Variants in PLCL1 observed in about 807,000 individuals in gnomAD.
The protein encoded by PLCL1 is phospholipase C like 1 (inactive), also known as inactive phospholipase C-like protein 1.
In PLCL1, 41 loss-of-function variants were observed where a neutral mutation model predicts 84.4. The observed-to-expected ratio is 0.49, with a 90% CI of 0.38 to 0.63. The LOEUF (loss-of-function observed/expected upper bound fraction) is 0.63, where lower values mean the gene tolerates loss of function less well. PLCL1 is among the 30% of genes least tolerant of loss of function. PLCL1 has a pLI of 0.00. For synonymous variants in PLCL1, 490 were observed against 488.3 expected (o/e 1.00, Z -0.05); for missense variants, 1,206 against 1,367.8 (o/e 0.88, Z 1.87).
At chr2:198,048,116 G>T (rs1574272741) in intron 1 of PLCL1, among the ~76,000 whole-genome samples, 1 of 152,354 alleles carries the variant, frequency 6.6e-6, no homozygotes, top group East Asian at 1.9e-4. Context: ...AGTAAAGTAT[G>T]AAGCTGCCTT....
intron 1 of PLCL1, among the ~76,000 whole-genome samples, chr2:197,865,805 G>A (rs1222721365): frequency 6.6e-6 from 1 of 151,164 alleles, no homozygotes; most frequent in African/African-American, 2.4e-5. Flanking sequence ...TTGAGCTCAG[G>A]AGTTCAAGAC....
At chr2:197,950,227 C>A (rs1301639175) in intron 1 of PLCL1, among the ~76,000 whole-genome samples, 1 of 152,170 alleles carries the variant, frequency 6.6e-6, no homozygotes, top group Non-Finnish European at 1.5e-5. Context: ...CTGCTTCCAA[C>A]TAGTAGAGTG....
intron 1 of PLCL1, among the ~76,000 whole-genome samples, chr2:197,982,215 GTA>G (rs150185032): frequency 1.3e-5 from 2 of 149,438 alleles, no homozygotes; most frequent in Non-Finnish European, 3.0e-5. Context: ...ATATATATAT[GTA>G]TATATATATA....
rs556879668 is a variant in PLCL1, at chr2:198,084,091, A to C, written c.574A>C (p.Ile192Leu). Residue 192 changes from isoleucine to leucine, a missense_variant, in exon 2 of 6, where the codon ATA becomes CTA. Ile to Leu is a conservative substitution (Grantham distance 5). Coordinates refer to ENST00000428675, the MANE Select transcript of PLCL1 (RefSeq NM_006226.4). ...GATCTGTGAGGACTGTGCCTTTTCCATACTCCACGGGGAAAACTATGAGTC... is the reference window on the plus strand; with the variant it reads ...GATCTGTGAGGACTGTGCCTTTTCCCTACTCCACGGGGAAAACTATGAGTC... ...DQICEDCAFSILHGENYESLD... is the reference protein window; with the variant it reads ...DQICEDCAFSLLHGENYESLD... The C allele has an allele frequency of 6.2e-7, 1 of 1,614,172 alleles. No homozygotes were observed. Among genetic ancestry groups the C allele is most frequent in the South Asian group, 1.1e-5 (1 of 91,090 alleles).
intron 1 of PLCL1, chr2:198,001,816 C>T (rs1374086506): frequency 5.4e-6 from 1 of 184,272 alleles, no homozygotes; most frequent in African/African-American, 2.4e-5. Flanking sequence ...TGCCTCCTGT[C>T]AGATCAGTGG....
At chr2:198,132,496 C>T (rs1694143524) in intron 5 of PLCL1, among the ~76,000 whole-genome samples, 1 of 151,882 alleles carries the variant, frequency 6.6e-6, no homozygotes, top group Admixed American at 6.6e-5. Context: ...TAAGAAATCT[C>T]AACTACTGAC....
chr2:197,917,813 A>G (rs1164179223), intron 1 of PLCL1, among the ~76,000 whole-genome samples: 3 of 152,288 alleles, frequency 2.0e-5, no homozygotes, highest in Non-Finnish European at 4.4e-5. Context: ...AAACAAAACA[A>G]TAACAACAAC....
chr2:197,934,729 T>C (rs1244402282), intron 1 of PLCL1, among the ~76,000 whole-genome samples: 1 of 152,152 alleles, frequency 6.6e-6, no homozygotes, highest in Non-Finnish European at 1.5e-5. Flanking sequence ...TGTTGTGAAA[T>C]GATTAAATCA....
intron 1 of PLCL1, among the ~76,000 whole-genome samples, chr2:197,892,506 T>C (rs999131824): frequency 1.3e-5 from 2 of 152,168 alleles, no homozygotes; most frequent in African/African-American, 4.8e-5. Context: ...TAGTGTTTAT[T>C]TGAATGTTAG....
intron 1 of PLCL1, among the ~76,000 whole-genome samples, chr2:197,923,258 A>G (rs1280326573): frequency 5.4e-4 from 60 of 110,762 alleles, no homozygotes; most frequent in South Asian, 2.3e-3. Flanking sequence ...CGGGGGGCTG[A>G]CCCCCCCCAC....
At chr2:197,928,176 A>G (rs1037250279) in intron 1 of PLCL1, among the ~76,000 whole-genome samples, 1 of 152,194 alleles carries the variant, frequency 6.6e-6, no homozygotes, top group African/African-American at 2.4e-5. Context: ...ATACATGATT[A>G]GTCATGAGTA....
At chr2:197,855,478 C>A (rs1354269743) in intron 1 of PLCL1, among the ~76,000 whole-genome samples, 1 of 152,046 alleles carries the variant, frequency 6.6e-6, no homozygotes, top group African/African-American at 2.4e-5. Flanking sequence ...TTTCTTGTTC[C>A]TTGTGACCAA....
At position 198,146,912 on chromosome 2, in the gene PLCL1, C is replaced by T. The variant is rs1353159116; in HGVS notation, c.3238C>T (p.Leu1080=). The T allele has an allele frequency of 1.2e-6, 2 of 1,613,156 alleles. No homozygotes were observed. Among genetic ancestry groups the T allele is most frequent in the East Asian group, 2.2e-5 (1 of 44,836 alleles). Residue 1080 remains leucine (L), a synonymous_variant, in exon 6 of 6, where the codon CTG becomes TTG. Transcript: ENST00000428675. ...TGCTGAGGCCAAGAGCAAGCGCAGC[C>T]TGGAAGCCATAGAGGAGAAGGAAAG... ...SSAEAKSKRS[L]EAIEEKESSE... is the part of the protein sequence containing the mutation.
At chr2:197,889,380 A>G (rs1687974043) in intron 1 of PLCL1, among the ~76,000 whole-genome samples, 1 of 152,198 alleles carries the variant, frequency 6.6e-6, no homozygotes, top group Non-Finnish European at 1.5e-5. Flanking sequence ...CTAGAGGGAA[A>G]TAAGTTGTAC....
chr2:197,836,917 G>A (rs1034408778), intron 1 of PLCL1, among the ~76,000 whole-genome samples: 6 of 152,094 alleles, frequency 3.9e-5, no homozygotes, highest in African/African-American at 1.4e-4. Flanking sequence ...CCGGGCTGGT[G>A]TTGAACTCCT....
intron 5 of PLCL1, among the ~76,000 whole-genome samples, chr2:198,113,040 C>T (rs1201889922): frequency 1.3e-5 from 2 of 151,838 alleles, no homozygotes; most frequent in Admixed American, 6.6e-5. Flanking sequence ...GTAGAGTATA[C>T]ATTTAGAAGG....
chr2:198,135,527 A>G (rs1472072741), intron 5 of PLCL1, among the ~76,000 whole-genome samples: 2 of 152,196 alleles, frequency 1.3e-5, no homozygotes, highest in African/African-American at 4.8e-5. Context: ...TTCTTAGAAT[A>G]CCAGTATCAT....
At chr2:197,829,809 G>A (rs569512577) in intron 1 of PLCL1, among the ~76,000 whole-genome samples, 2 of 152,152 alleles carry the variant, frequency 1.3e-5, no homozygotes, top group Admixed American at 6.5e-5. Flanking sequence ...GTCATCCAGT[G>A]CTCTTTGCAT....
intron 1 of PLCL1, among the ~76,000 whole-genome samples, chr2:198,029,203 A>G (rs16826740): frequency 0.2 from 30,255 of 152,014 alleles, 3,088 homozygotes; most frequent in East Asian, 0.26. Flanking sequence ...GGCTTTTCTG[A>G]TGATTCTTAC....
Sources: allele counts gnomAD v4.1 joint callset (sites outside exome capture counted in the v4.1 genomes callset), GRCh38; gene constraint gnomAD v4.1.1; transcripts MANE v1.5; gene names NCBI Gene and HGNC (gene_info 2026-07-23, HGNC 2026-07-21).